The following CNNM4 variants were observed in gnomAD, a reference collection of about 807,000 sequenced individuals.
CNNM4 encodes the protein metal transporter CNNM4.
Under a neutral mutation model 53.7 loss-of-function variants are expected in CNNM4, and 32 were observed. That is an observed-to-expected ratio of 0.60 (90% confidence interval 0.45 to 0.80). The LOEUF (loss-of-function observed/expected upper bound fraction) is 0.80, where lower values mean the gene tolerates loss of function less well. CNNM4 is among the 30% of genes least tolerant of loss of function. The probability of loss-of-function intolerance (pLI) is 0.00; values close to 1 mark genes in which losing one functional copy is unlikely to be tolerated. For synonymous variants in CNNM4, 410 were observed against 440.0 expected (o/e 0.93, Z 0.85); for missense variants, 784 against 1,022.0 (o/e 0.77, Z 3.17).
At chr2:96,775,945 C>G (rs1208593270) in intron 1 of CNNM4, among the ~76,000 whole-genome samples, 4 of 151,398 alleles carry the variant, frequency 2.6e-5, no homozygotes, top group African/African-American at 4.9e-5. Context: ...AGGCTGGTCT[C>G]GAACTCCTGG....
At chr2:96,782,148 A>G (rs919285571) in intron 1 of CNNM4, among the ~76,000 whole-genome samples, 1 of 152,040 alleles carries the variant, frequency 6.6e-6, no homozygotes, top group African/African-American at 2.4e-5. Flanking sequence ...TTTATTTAGG[A>G]TTTTGGCATC....
chr2:96,766,701 TG>T (rs1239286703), intron 1 of CNNM4, among the ~76,000 whole-genome samples: 1 of 152,204 alleles, frequency 6.6e-6, no homozygotes, highest in African/African-American at 2.4e-5. Context: ...CAGGTCTCTT[TG>T]TTTTGCTCAT....
At chr2:96,791,285 A>G (rs996639228) in intron 1 of CNNM4, among the ~76,000 whole-genome samples, 46 of 152,070 alleles carry the variant, frequency 3.0e-4, no homozygotes, top group African/African-American at 9.7e-4. Context: ...TTGTATTTTA[A>G]TGAGCTACCT....
intron 1 of CNNM4, among the ~76,000 whole-genome samples, chr2:96,787,452 A>G (rs2079025091): frequency 6.6e-6 from 1 of 152,222 alleles, no homozygotes; most frequent in South Asian, 2.1e-4. Context: ...GGTATAAAAC[A>G]GTGACTTTGG....
chr2:96,805,424 T>TTG (rs1553479517), intron 5 of CNNM4, among the ~76,000 whole-genome samples: 2 of 139,652 alleles, frequency 1.4e-5, no homozygotes, highest in African/African-American at 6.1e-5. Context: ...TTCAGTTTTT[T>TTG]TTTTTTTTTT....
chr2:96,799,651 G>A lies in CNNM4; in HGVS notation c.1948+3G>A. 7 of 1,550,060 alleles carry A rather than the reference G, an allele frequency of 4.5e-6. No individual in the cohort carries two copies. The highest frequency in any genetic ancestry group is 6.1e-6 in the Non-Finnish European group (7 of 1,145,460). ...GGCCCTGACCTCGGTCCCCTCCGGT[G>A]AGTTGTTGGGCATGGTCTTTGCTGC... On this transcript the variant is annotated splice_donor_region_variant and intron_variant, in intron 5 of 6. Transcript: ENST00000377075.
At chr2:96,805,440 A>AAATTTTT (rs2079194974) in intron 5 of CNNM4, among the ~76,000 whole-genome samples, 3 of 87,490 alleles carry the variant, frequency 3.4e-5, no homozygotes, top group African/African-American at 5.0e-5. Context: ...TTTTTTTTTT[A>AAATTTTT]TTATTTTTTT....
chr2:96,778,276 G>A (rs937866565), intron 1 of CNNM4, among the ~76,000 whole-genome samples: 4 of 151,466 alleles, frequency 2.6e-5, no homozygotes, highest in African/African-American at 9.7e-5. Context: ...TATTCCTAGG[G>A]GCCAGGTGCA....
In CNNM4 at chr2:96,761,499, A is replaced by G. The variant is rs1574046638; in HGVS notation, c.500A>G (p.Asp167Gly). The G allele has an allele frequency of 6.2e-7, 1 of 1,613,776 alleles. No individual in the cohort carries two copies. Residue 167 changes from aspartate (D) to glycine (G), a missense_variant, in exon 1 of 7, where the codon GAC becomes GGC. Physicochemically the swap from Asp to Gly is moderately conservative, Grantham distance 94. Around this residue, in one of 3 missense-constraint regions of CNNM4, gnomAD observed 473 missense variants for 624.6 expected, o/e 0.76. Transcript: ENST00000377075. The surrounding 1 kb of genome is among the most constrained non-coding windows in gnomAD (Gnocchi z 6.0). The stretch of plus-strand genomic sequence containing the variant: ...CCCTGGCTGAAGTGGACGGACAAGG[A>G]CTCACTGCTCTTCATGGTGGAGGAG... ...DGPWLKWTDK[D>G]SLLFMVEEPG... is the part of the protein sequence containing the mutation.
At chr2:96,770,664 C>T (rs568904203) in intron 1 of CNNM4, among the ~76,000 whole-genome samples, 1 of 152,160 alleles carries the variant, frequency 6.6e-6, no homozygotes, top group Non-Finnish European at 1.5e-5. Flanking sequence ...TCTCTGCACC[C>T]CTCCCACATG....
chr2:96,766,880 G>A (rs769868021), intron 1 of CNNM4, among the ~76,000 whole-genome samples: 4 of 152,166 alleles, frequency 2.6e-5, no homozygotes, highest in Admixed American at 6.5e-5. Flanking sequence ...AGAAAAATGG[G>A]TGTTGTGCAC....
At chr2:96,765,868 C>T (rs1388558346) in intron 1 of CNNM4, among the ~76,000 whole-genome samples, 3 of 150,840 alleles carry the variant, frequency 2.0e-5, no homozygotes, top group Admixed American at 1.3e-4. Flanking sequence ...CATCTCGGCT[C>T]ACTGCAACCT....
At position 96,761,819 on chromosome 2, in the gene CNNM4, T is replaced by G. The variant is rs1386147454; in HGVS notation, c.820T>G (p.Ser274Ala). The G allele has an allele frequency of 5.0e-6, 8 of 1,613,818 alleles. No individual in the cohort carries two copies. Among genetic ancestry groups the G allele is most frequent in the Non-Finnish European group, 6.8e-6 (8 of 1,179,966 alleles). ...CGGGTCCGGCCTCATGGCGGTGGCC[T>G]CCTCCACCATTGGCATTGTCATCTT... ...LIGSGLMAVA[S>A]STIGIVIFGE... is the part of the protein sequence containing the mutation. The change falls in exon 1 of 7, where the codon TCC becomes GCC. Residue 274 changes from serine (S) to alanine (A), a missense_variant. Physicochemically the swap from Ser to Ala is moderately conservative, Grantham distance 99. This residue lies in a region of CNNM4 where 473 missense variants were observed against 624.6 expected (regional missense o/e 0.76). Transcript: ENST00000377075. This position sits in a 1 kb window ranked among gnomAD's most constrained non-coding sequence, Gnocchi z 6.0.
chr2:96,801,546 C>T lies in CNNM4; in HGVS notation c.1948+1898C>T, dbSNP rs552612114. On this transcript the variant is annotated intron_variant, in intron 5 of 6. Transcript: ENST00000377075. The surrounding 1 kb of genome is among the most constrained non-coding windows in gnomAD (Gnocchi z 5.6). ...AGAGATAGCACACACACAGAGAGAC[C>T]ACACACACACAGAGACCACACACAG... is the stretch of plus-strand genomic sequence containing the variant. 4.7e-5 allele frequency among the ~76,000 whole-genome samples: 7 copies of T among 148,188 alleles called. No homozygotes were observed. The East Asian group carries it at 1.4e-3, about 29-fold the overall frequency.
intron 1 of CNNM4, among the ~76,000 whole-genome samples, chr2:96,795,191 C>A (rs972380753): frequency 6.6e-6 from 1 of 152,256 alleles, no homozygotes. Context: ...GATGCCCAGG[C>A]CCTTCCAGGC....
At chr2:96,764,768 A>G (rs1473558691) in intron 1 of CNNM4, among the ~76,000 whole-genome samples, 1 of 152,146 alleles carries the variant, frequency 6.6e-6, no homozygotes, top group Non-Finnish European at 1.5e-5. Flanking sequence ...CGGACAGATC[A>G]CGAGGTCAGG....
In CNNM4 at chr2:96,771,023, A is replaced by C. The variant is rs188325282; in HGVS notation, c.1402+8622A>C. Among the ~76,000 whole-genome samples, 181 of 152,268 alleles carry C rather than the reference A, an allele frequency of 1.2e-3. 3 individuals are homozygous for C. The East Asian group carries it at 0.031, about 26-fold the overall frequency. On this transcript the variant is annotated intron_variant, in intron 1 of 6. Coordinates refer to ENST00000377075, the MANE Select transcript of CNNM4 (RefSeq NM_020184.4). ...CTCTGAGATGTGTGAAGGTGCTAGA[A>C]TTTCCAGAGGTACCCGGCTGGCCCT...
Position 96,762,301 on chromosome 2 carries a change from C to T in CNNM4, c.1302C>T (p.Asp434=). The change falls in exon 1 of 7, where the codon GAC becomes GAT. Residue 434 remains aspartate (D), a synonymous_variant. Transcript: ENST00000377075. ...ACTTGGCCTTTGTGGACCCCGATGA[C>T]TGCACCCCCCTCAAGACTATCACTC... is the stretch of plus-strand genomic sequence containing the variant. ...VKDLAFVDPD[D]CTPLKTITRF... 6.2e-7 allele frequency: 1 copy of T among 1,614,172 alleles called. No homozygotes were observed. Among genetic ancestry groups the T allele is most frequent in the South Asian group, 1.1e-5 (1 of 91,078 alleles).
chr2:96,801,894 A>T lies in CNNM4; in HGVS notation c.1948+2246A>T, dbSNP rs1018670820. ...GAGAAACACCCGTAGACACACCAGG[A>T]TACACATACACACATAGATACACCA... On this transcript the variant is annotated intron_variant, in intron 5 of 6. Coordinates refer to ENST00000377075, the MANE Select transcript of CNNM4 (RefSeq NM_020184.4). This position sits in a 1 kb window ranked among gnomAD's most constrained non-coding sequence, Gnocchi z 5.6. Among the ~76,000 whole-genome samples the T allele has an allele frequency of 1.3e-5, 2 of 151,758 alleles. No homozygotes were observed. Among genetic ancestry groups the T allele is most frequent in the South Asian group, 4.2e-4 (2 of 4,808 alleles).
Sources: allele counts gnomAD v4.1 joint callset (sites outside exome capture counted in the v4.1 genomes callset), GRCh38; gene constraint gnomAD v4.1.1; regional missense constraint gnomAD v4.1.1; non-coding constraint Gnocchi (gnomAD v3.1); transcripts MANE v1.5; gene names NCBI Gene and HGNC (gene_info 2026-07-23, HGNC 2026-07-21).